PTPRD: variants seen among roughly 807,000 people sequenced by gnomAD.
PTPRD encodes receptor-type tyrosine-protein phosphatase delta.
PTPRD carries 34 observed loss-of-function variants against 214.5 expected under a neutral mutation model. The observed-to-expected ratio is 0.16, with a 90% CI of 0.12 to 0.21. The LOEUF (loss-of-function observed/expected upper bound fraction) is 0.21. PTPRD is among the 10% of genes least tolerant of loss of function. PTPRD has a pLI of 1.00. For missense variants in PTPRD, 2,545 were observed against 2,398.7 expected, an observed-to-expected ratio of 1.06 and a Z score of -1.27; for synonymous variants, 1,128 against 845.7, an observed-to-expected ratio of 1.33 and a Z score of -5.79.
At chr9:10,448,458 A>G (rs1297614793) in intron 2 of PTPRD, among the ~76,000 whole-genome samples, 1 of 151,988 alleles carries the variant, frequency 6.6e-6, no homozygotes, top group Non-Finnish European at 1.5e-5. Flanking sequence ...GTAAGTACTA[A>G]GTATAATAAG....
chr9:10,351,997 G>A (rs570786536), intron 2 of PTPRD, among the ~76,000 whole-genome samples: 3 of 152,100 alleles, frequency 2.0e-5, no homozygotes, highest in African/African-American at 7.2e-5. Flanking sequence ...GCATTGATAG[G>A]TAAATCCTAT....
intron 3 of PTPRD, among the ~76,000 whole-genome samples, chr9:10,065,698 A>C (rs1407457354): frequency 2.6e-5 from 4 of 151,950 alleles, no homozygotes; most frequent in Non-Finnish European, 5.9e-5. Context: ...GTTCAGATAG[A>C]AGGACTGCAA....
At chr9:9,431,393 G>C (rs532899767) in intron 8 of PTPRD, among the ~76,000 whole-genome samples, 316 of 152,218 alleles carry the variant, frequency 2.1e-3, no homozygotes, top group South Asian at 8.7e-3. Flanking sequence ...TCATTAAAAA[G>C]TCAGGAAACA....
intron 26 of PTPRD, among the ~76,000 whole-genome samples, chr9:8,496,391 C>T (rs1314023484): frequency 1.3e-5 from 2 of 152,142 alleles, no homozygotes; most frequent in African/African-American, 2.4e-5. Flanking sequence ...ATATATTTTG[C>T]TGCGTTCTAT....
chr9:8,713,286 T>C (rs1251791663), intron 12 of PTPRD: 1 of 689,578 alleles, frequency 1.5e-6, no homozygotes, highest in Non-Finnish European at 2.6e-6. Context: ...CTTTTGCGGG[T>C]GGCGGCGAGC....
chr9:9,024,348 G>T (rs201348144), intron 10 of PTPRD, among the ~76,000 whole-genome samples: 5,518 of 63,264 alleles, frequency 0.087, 190 homozygotes, highest in East Asian at 0.14. Context: ...GTTTTTTTTT[G>T]TTTGTTTTTT....
At chr9:8,692,544 G>A (rs1022932031) in intron 12 of PTPRD, among the ~76,000 whole-genome samples, 31 of 152,060 alleles carry the variant, frequency 2.0e-4, no homozygotes, top group African/African-American at 7.2e-4. Context: ...AATAAAGAAC[G>A]TATTAGTGAA....
At chr9:9,440,823 T>C (rs973553504) in intron 8 of PTPRD, among the ~76,000 whole-genome samples, 7 of 152,212 alleles carry the variant, frequency 4.6e-5, no homozygotes, top group African/African-American at 1.7e-4. Context: ...GACCAAGGTA[T>C]AATGATTCAT....
chr9:9,514,714 G>C (rs1419566136), intron 8 of PTPRD, among the ~76,000 whole-genome samples: 1 of 151,962 alleles, frequency 6.6e-6, no homozygotes, highest in Non-Finnish European at 1.5e-5. Flanking sequence ...GTCCTCCTCA[G>C]TGCCTTACTG....
At chr9:8,576,426 T>C (rs1387201103) in intron 14 of PTPRD, among the ~76,000 whole-genome samples, 3 of 152,136 alleles carry the variant, frequency 2.0e-5, no homozygotes, top group East Asian at 1.9e-4. Flanking sequence ...TTACAGATTA[T>C]CTATTATACT....
chr9:10,475,350 A>C (rs1337836476), intron 2 of PTPRD, among the ~76,000 whole-genome samples: 1 of 152,176 alleles, frequency 6.6e-6, no homozygotes, highest in Non-Finnish European at 1.5e-5. Flanking sequence ...AGAGAATATT[A>C]TAAACACCTC....
At chr9:9,139,093 C>T (rs953537066) in intron 10 of PTPRD, among the ~76,000 whole-genome samples, 26 of 150,964 alleles carry the variant, frequency 1.7e-4, no homozygotes, top group Non-Finnish European at 3.2e-4. Flanking sequence ...TATGCAGGAG[C>T]CCCCCTCCCC....
chr9:8,839,764 A>G (rs2097523018), intron 11 of PTPRD, among the ~76,000 whole-genome samples: 1 of 151,830 alleles, frequency 6.6e-6, no homozygotes, highest in Non-Finnish European at 1.5e-5. Context: ...TTGTATTGAT[A>G]ACAGTGGGAG....
intron 14 of PTPRD, among the ~76,000 whole-genome samples, chr9:8,622,720 A>G (rs1031112543): frequency 6.6e-6 from 1 of 151,932 alleles, no homozygotes; most frequent in Non-Finnish European, 1.5e-5. Flanking sequence ...TTGTATGCCT[A>G]TCCGAGATGT....
At chr9:9,983,592 A>G (rs771940565) in intron 4 of PTPRD, among the ~76,000 whole-genome samples, 5 of 152,216 alleles carry the variant, frequency 3.3e-5, no homozygotes, top group Admixed American at 6.5e-5. Flanking sequence ...TATGTTTCAC[A>G]TGGGAACCAA....
chr9:8,691,620 T>A (rs2097803025), intron 12 of PTPRD, among the ~76,000 whole-genome samples: 1 of 152,176 alleles, frequency 6.6e-6, no homozygotes, highest in Non-Finnish European at 1.5e-5. Flanking sequence ...AATATACTTA[T>A]TGGTACAAAC....
At chr9:8,870,391 A>T (rs1002265917) in intron 11 of PTPRD, among the ~76,000 whole-genome samples, 1 of 152,090 alleles carries the variant, frequency 6.6e-6, no homozygotes, top group African/African-American at 2.4e-5. Context: ...TTTTGATTTT[A>T]TGTCTGGAAT....
At chr9:10,041,512 A>T (rs1369444129) in intron 3 of PTPRD, among the ~76,000 whole-genome samples, 2 of 149,898 alleles carry the variant, frequency 1.3e-5, no homozygotes, top group African/African-American at 4.9e-5. Flanking sequence ...AACTATTTCA[A>T]TTTTTTTTTT....
chr9:8,883,269 C>G (rs2098461431), intron 11 of PTPRD, among the ~76,000 whole-genome samples: 1 of 152,168 alleles, frequency 6.6e-6, no homozygotes, highest in African/African-American at 2.4e-5. Context: ...ATGATAGCAA[C>G]TATCGTAAGG....
Sources: gnomAD v4.1 joint callset for allele counts (sites outside exome capture counted in the v4.1 genomes callset) on GRCh38, gnomAD v4.1.1 for gene constraint, MANE v1.5 for transcripts, NCBI Gene and HGNC (gene_info 2026-07-23, HGNC 2026-07-21) for gene names.